The following IL1RAPL1 variants were observed in gnomAD, a reference collection of about 807,000 sequenced individuals.
The protein encoded by IL1RAPL1 is interleukin-1 receptor accessory protein-like 1.
Under a neutral mutation model 48.4 loss-of-function variants are expected in IL1RAPL1, and 3 were observed. The ratio of observed to expected loss-of-function variants is 0.06; its 90% CI spans 0.03 to 0.16. The LOEUF (loss-of-function observed/expected upper bound fraction) is 0.16. Among genes scored for constraint, IL1RAPL1 ranks in the 10% least tolerant of loss-of-function variants. The probability of loss-of-function intolerance (pLI) is 1.00; values close to 1 mark genes in which losing one functional copy is unlikely to be tolerated. For missense variants in IL1RAPL1, 349 were observed against 530.6 expected, an observed-to-expected ratio of 0.66 and a Z score of 3.36; for synonymous variants, 185 against 187.7, an observed-to-expected ratio of 0.99 and a Z score of 0.12.
At chrX:29,558,783 A>G (rs1249718862) in intron 5 of IL1RAPL1, among the ~76,000 whole-genome samples, 1 of 111,920 alleles carries the variant, frequency 8.9e-6, no homozygotes, top group Non-Finnish European at 1.9e-5. Flanking sequence ...TCACTTGTTG[A>G]ACAGACTGCC....
At chrX:29,130,975 CTTACCA>C (rs1262409290) in intron 2 of IL1RAPL1, among the ~76,000 whole-genome samples, 1 of 112,214 alleles carries the variant, frequency 8.9e-6, no homozygotes, top group Admixed American at 9.5e-5. Flanking sequence ...TCAGATGTAT[CTTACCA>C]TTGGAGTCTG....
At chrX:29,111,602 G>A (rs1928567512) in intron 2 of IL1RAPL1, among the ~76,000 whole-genome samples, 1 of 111,632 alleles carries the variant, frequency 9.0e-6, no homozygotes, top group Non-Finnish European at 1.9e-5. Flanking sequence ...TTTCTTCAGG[G>A]CCAGTGACTA....
chrX:29,951,656 G>A (rs985505618), intron 9 of IL1RAPL1, among the ~76,000 whole-genome samples: 2 of 111,826 alleles, frequency 1.8e-5, no homozygotes, highest in Non-Finnish European at 3.8e-5. Flanking sequence ...GGTGGAACGC[G>A]CATCTGAAGT....
chrX:29,627,028 T>C (rs1360306864), intron 5 of IL1RAPL1, among the ~76,000 whole-genome samples: 4 of 112,536 alleles, frequency 3.6e-5, no homozygotes, highest in Non-Finnish European at 7.5e-5. Context: ...AAAAAGTTCA[T>C]ATGTATGTAT....
intron 5 of IL1RAPL1, among the ~76,000 whole-genome samples, chrX:29,660,441 A>G (rs1925807865): frequency 8.9e-6 from 1 of 111,796 alleles, no homozygotes; most frequent in Admixed American, 9.5e-5. Context: ...CATATCCCCA[A>G]TGTTTTTGTC....
chrX:28,598,370 C>A (rs1345818804), intron 1 of IL1RAPL1, among the ~76,000 whole-genome samples: 1 of 111,612 alleles, frequency 9.0e-6, no homozygotes, highest in African/African-American at 3.3e-5. Flanking sequence ...GAAAAGAAAC[C>A]AGTAGGTATA....
chrX:29,911,752 T>C (rs1932758051), intron 6 of IL1RAPL1, among the ~76,000 whole-genome samples: 1 of 112,178 alleles, frequency 8.9e-6, no homozygotes, highest in African/African-American at 3.2e-5. Context: ...AGACACGACA[T>C]ACTTTTAATT....
At chrX:28,614,928 A>G (rs1437339574) in intron 1 of IL1RAPL1, among the ~76,000 whole-genome samples, 1 of 110,491 alleles carries the variant, frequency 9.1e-6, no homozygotes, top group Non-Finnish European at 1.9e-5. Context: ...TTGCTCTGTC[A>G]CCCAGGCTGG....
chrX:29,362,420 C>G (rs1419506611), intron 3 of IL1RAPL1, among the ~76,000 whole-genome samples: 1 of 112,093 alleles, frequency 8.9e-6, no homozygotes, highest in Non-Finnish European at 1.9e-5. Flanking sequence ...TTCCTGGGTA[C>G]CGCTGATTTT....
chrX:29,247,058 A>G (rs1268978106), intron 2 of IL1RAPL1, among the ~76,000 whole-genome samples: 1 of 112,155 alleles, frequency 8.9e-6, no homozygotes, highest in African/African-American at 3.2e-5. Flanking sequence ...ACAACCAATG[A>G]TATATTCATA....
chrX:28,683,471 G>A (rs1158270611), intron 1 of IL1RAPL1, among the ~76,000 whole-genome samples: 1 of 111,391 alleles, frequency 9.0e-6, no homozygotes, highest in African/African-American at 3.3e-5. Context: ...AATCACTTTA[G>A]TTCAACTTCT....
rs146430258 is a variant in IL1RAPL1 at position 28,962,641 on chromosome X, T to G, written c.82+173216T>G. On this transcript the variant is annotated intron_variant, in intron 2 of 10. Transcript: ENST00000378993. ...ATAAGTAGTTATATACCAATAAAAA[T>G]ATTATAAATAAAACAATATAACACA... is the stretch of plus-strand genomic sequence containing the variant. Among the ~76,000 whole-genome samples, 818 of 111,507 alleles carry G rather than the reference T, an allele frequency of 7.3e-3. 6 individuals carry two copies. The highest frequency in any genetic ancestry group is 0.025 in the African/African-American group (783 of 30,747).
intron 2 of IL1RAPL1, among the ~76,000 whole-genome samples, chrX:29,255,123 T>TTGTGTG (rs35193739): frequency 1.0e-5 from 1 of 97,055 alleles, no homozygotes; most frequent in Non-Finnish European, 2.0e-5. Flanking sequence ...ACTAAGGTAT[T>TTGTGTG]TGTGTGTGTG....
chrX:29,727,972 C>G (rs1927818784), intron 6 of IL1RAPL1, among the ~76,000 whole-genome samples: 2 of 111,157 alleles, frequency 1.8e-5, no homozygotes, highest in South Asian at 7.8e-4. Flanking sequence ...GAGTCTCGCT[C>G]TGTTGCCCAG....
chrX:29,837,276 T>TAC (rs1457815888), intron 6 of IL1RAPL1, among the ~76,000 whole-genome samples: 2 of 59,261 alleles, frequency 3.4e-5, no homozygotes, highest in South Asian at 9.3e-4. Flanking sequence ...AAAAAAAATA[T>TAC]ATATATATAT....
At chrX:29,829,903 A>G (rs1268096674) in intron 6 of IL1RAPL1, among the ~76,000 whole-genome samples, 1 of 112,025 alleles carries the variant, frequency 8.9e-6, no homozygotes, top group Non-Finnish European at 1.9e-5. Context: ...TATAAATTAC[A>G]ATGGTTTGAT....
chrX:29,630,740 C>G (rs1055634965), intron 5 of IL1RAPL1, among the ~76,000 whole-genome samples: 14 of 111,373 alleles, frequency 1.3e-4, no homozygotes, highest in African/African-American at 2.3e-4. Context: ...GGGTTTCACC[C>G]TGTTAGCCAG....
chrX:29,066,477 C>T (rs962387287), intron 2 of IL1RAPL1, among the ~76,000 whole-genome samples: 2 of 112,175 alleles, frequency 1.8e-5, no homozygotes, highest in Non-Finnish European at 3.8e-5. Flanking sequence ...TAAATTGCTC[C>T]ACATTCTGAT....
intron 6 of IL1RAPL1, among the ~76,000 whole-genome samples, chrX:29,909,227 A>T (rs1932713240): frequency 9.0e-6 from 1 of 110,865 alleles, no homozygotes; most frequent in Admixed American, 9.7e-5. Flanking sequence ...AATAAAATAA[A>T]AAATTAGCTA....
Sources: gnomAD v4.1 joint callset for allele counts (sites outside exome capture counted in the v4.1 genomes callset) on GRCh38, gnomAD v4.1.1 for gene constraint, MANE v1.5 for transcripts, NCBI Gene and HGNC (gene_info 2026-07-23, HGNC 2026-07-21) for gene names.